TAF4B: variants seen among roughly 807,000 people sequenced by gnomAD.
TAF4B encodes the protein TATA-box binding protein associated factor 4b, also known as transcription initiation factor TFIID subunit 4B.
A neutral mutation model predicts 86.4 loss-of-function variants in TAF4B; 38 were observed. The ratio of observed to expected loss-of-function variants is 0.44; its 90% CI spans 0.34 to 0.58. The LOEUF (loss-of-function observed/expected upper bound fraction) is 0.58, where lower values mean the gene tolerates loss of function less well. Ranked by LOEUF, TAF4B falls within the 20% of genes least tolerant of loss-of-function variation. The probability of loss-of-function intolerance (pLI) is 0.02; values close to 1 mark genes in which losing one functional copy is unlikely to be tolerated. For synonymous variants in TAF4B, 388 were observed against 391.2 expected (o/e 0.99, Z 0.10); for missense variants, 988 against 1,027.6 (o/e 0.96, Z 0.53).
At chr18:26,330,667 A>G (rs1308014302) in intron 12 of TAF4B, among the ~76,000 whole-genome samples, 1 of 152,130 alleles carries the variant, frequency 6.6e-6, no homozygotes, top group South Asian at 2.1e-4. Context: ...AACTATTTCT[A>G]TATCTGTGTA....
At chr18:26,335,371 C>G in intron 13 of TAF4B, 140 bp downstream of exon 13, 1 of 695,614 alleles carries the variant, frequency 1.4e-6, no homozygotes, top group Non-Finnish European at 2.5e-6. Flanking sequence ...CTGCTAAAGG[C>G]AAGGGCAGTA....
rs968261568 is a variant in TAF4B at position 26,226,726 on chromosome 18, C to T, written c.-208C>T. ...GGTGTCGCTCCGGGGGCAGCCCAGG[C>T]TCGCGCGGACGAGAGGAAGGTCCGG... On this transcript the variant is annotated 5_prime_UTR_variant, in exon 1 of 15. Transcript: ENST00000269142. The T allele has an allele frequency of 2.3e-6, 1 of 431,986 alleles. No homozygotes were observed. Among genetic ancestry groups the T allele is most frequent in the African/African-American group, 2.1e-5 (1 of 48,598 alleles). The allele number at this position is 431,986 out of a possible 1,614,324, so 26.8% of individuals were successfully genotyped here. A position where few individuals can be genotyped will look rare whatever the true frequency, so the allele number is the denominator to read the frequency against.
intron 14 of TAF4B, among the ~76,000 whole-genome samples, chr18:26,367,111 G>A (rs8096479): frequency 0.079 from 12,015 of 152,212 alleles, 1,477 homozygotes; most frequent in African/African-American, 0.27. Context: ...GGGACAGTGT[G>A]TCTTGGACAT....
chr18:26,331,907 G>A (rs1481522127), intron 12 of TAF4B, among the ~76,000 whole-genome samples: 3 of 152,074 alleles, frequency 2.0e-5, no homozygotes, highest in Non-Finnish European at 4.4e-5. Flanking sequence ...GTGGCTTCCT[G>A]TTGCACTTAA....
rs2056517166 is a variant in TAF4B, at chr18:26,286,044, T to C, written c.1135T>C (p.Ser379Pro). The change falls in exon 7 of 15, where the codon TCA becomes CCA. Residue 379 changes from serine to proline, a missense_variant. Physicochemically the swap from Ser to Pro is moderately conservative, Grantham distance 74. This residue lies in a region of TAF4B where 747 missense variants were observed against 737.9 expected (regional missense o/e 1.01). Transcript: ENST00000269142. ...AGTGTCCTCAAGCCAGTCTGAAAAG[T>C]CAATTATTGTTTCTGGAGCAACAGC... is the stretch of plus-strand genomic sequence containing the variant. ...TTVSSSQSEKSIIVSGATAPR... is the reference protein window; with the variant it reads ...TTVSSSQSEKPIIVSGATAPR... 6.2e-7 allele frequency: 1 copy of C among 1,614,164 alleles called. No individual in the cohort carries two copies. Among genetic ancestry groups the C allele is most frequent in the Non-Finnish European group, 8.5e-7 (1 of 1,180,016 alleles).
chr18:26,227,046 C>T lies in TAF4B; in HGVS notation c.113C>T (p.Thr38Ile), dbSNP rs1598694814. 2 of 1,573,618 alleles carry T rather than the reference C, an allele frequency of 1.3e-6. No individual in the cohort carries two copies. Among genetic ancestry groups the T allele is most frequent in the Non-Finnish European group, 8.6e-7 (1 of 1,167,934 alleles). Residue 38 changes from threonine to isoleucine, a missense_variant, in exon 1 of 15, where the codon ACT (threonine) becomes ATT (isoleucine). Physicochemically the swap from Thr to Ile is moderately conservative, Grantham distance 89 (BLOSUM62 -1). This residue lies in a region of TAF4B where 747 missense variants were observed against 737.9 expected (regional missense o/e 1.01). Coordinates refer to ENST00000269142, the MANE Select transcript of TAF4B (RefSeq NM_005640.3). ...AGALPVRVES[T>I]PVALGAVTKA... ...GCGCTGCCGGTGCGGGTGGAGAGCA[C>T]TCCGGTGGCCCTGGGCGCCGTGACT... is the stretch of plus-strand genomic sequence containing the variant.
chr18:26,381,463 ACGCC>A (rs1231649341), intron 14 of TAF4B, among the ~76,000 whole-genome samples: 1 of 151,754 alleles, frequency 6.6e-6, no homozygotes, highest in East Asian at 2.0e-4. Context: ...GCGGTAGCTC[ACGCC>A]TGTAATCCCA....
At chr18:26,305,290 C>A (rs1939354174) in intron 9 of TAF4B, among the ~76,000 whole-genome samples, 1 of 152,166 alleles carries the variant, frequency 6.6e-6, no homozygotes, top group African/African-American at 2.4e-5. Flanking sequence ...ATTGTCTGAG[C>A]AATAGTTAGT....
In TAF4B at chr18:26,264,793, T is replaced by A. The variant is rs1370944033; in HGVS notation, c.344-377T>A. ...TTCCTCATAAGTCTACAGAGCCTTT[T>A]AGGAAAATGTGATATGATATATCTG... On this transcript the variant is annotated intron_variant, in intron 1 of 14. Transcript: ENST00000269142. Among the ~76,000 whole-genome samples the A allele has an allele frequency of 5.9e-5, 9 of 152,232 alleles. No individual in the cohort carries two copies. In the South Asian group the frequency reaches 1.9e-3, roughly 32 times the overall value.
At chr18:26,312,706 C>G (rs117107481) in intron 9 of TAF4B, among the ~76,000 whole-genome samples, 1 of 152,066 alleles carries the variant, frequency 6.6e-6, no homozygotes, top group Non-Finnish European at 1.5e-5. Flanking sequence ...GTGCAATTTC[C>G]AGGGGCCTGT....
chr18:26,288,344 C>T (rs1293162538), intron 7 of TAF4B, among the ~76,000 whole-genome samples: 1 of 152,060 alleles, frequency 6.6e-6, no homozygotes, highest in African/African-American at 2.4e-5. Context: ...CATCCAGTAA[C>T]AGTTAAGTGG....
intron 14 of TAF4B, among the ~76,000 whole-genome samples, chr18:26,362,030 T>C (rs1195966061): frequency 1.3e-5 from 2 of 152,194 alleles, no homozygotes; most frequent in Non-Finnish European, 2.9e-5. Context: ...TAGGCATGTC[T>C]AAGTTCCTGA....
chr18:26,364,967 A>AGAAGCAG, intron 14 of TAF4B, among the ~76,000 whole-genome samples: 1 of 151,336 alleles, frequency 6.6e-6, no homozygotes, highest in Non-Finnish European at 1.5e-5. Context: ...CTCTCCTTCT[A>AGAAGCAG]GAAGCAGGTT....
intron 14 of TAF4B, among the ~76,000 whole-genome samples, chr18:26,377,231 A>G (rs1230313618): frequency 6.6e-6 from 1 of 152,082 alleles, no homozygotes; most frequent in Admixed American, 6.6e-5. Context: ...TATTTTTTAG[A>G]AGAGCTTGTG....
At chr18:26,363,592 A>G (rs2057347534) in intron 14 of TAF4B, among the ~76,000 whole-genome samples, 1 of 152,070 alleles carries the variant, frequency 6.6e-6, no homozygotes, top group African/African-American at 2.4e-5. Flanking sequence ...GCCCTATTGC[A>G]TGCTCCTTCA....
intron 14 of TAF4B, 107 bp downstream of exon 14, chr18:26,357,901 G>A (rs1471212152): frequency 4.4e-6 from 3 of 678,896 alleles, no homozygotes; most frequent in Non-Finnish European, 6.8e-6. Flanking sequence ...GTTGCTGCCA[G>A]ACACTTCTTA....
intron 13 of TAF4B, among the ~76,000 whole-genome samples, chr18:26,346,773 A>ATATATATATATATATGTGTGTGTG (rs1404902479): frequency 4.1e-5 from 1 of 24,108 alleles, no homozygotes; most frequent in Non-Finnish European, 9.9e-5. Context: ...ATATATATAT[A>ATATATATATATATATGTGTGTGTG]TGTGTGTGTA....
chr18:26,282,180 A>G, intron 6 of TAF4B, 120 bp downstream of exon 6: 6 of 788,900 alleles, frequency 7.6e-6, no homozygotes, highest in Non-Finnish European at 1.2e-5. Flanking sequence ...TGTGGGAGAA[A>G]CCTCTGAGTG....
At chr18:26,312,553 G>A (rs1456969097) in intron 9 of TAF4B, among the ~76,000 whole-genome samples, 1 of 152,136 alleles carries the variant, frequency 6.6e-6, no homozygotes, top group Admixed American at 6.5e-5. Context: ...TAAAAGACAT[G>A]GGACTGTCTC....
Sources: gnomAD v4.1 joint callset for allele counts (sites outside exome capture counted in the v4.1 genomes callset) on GRCh38, gnomAD v4.1.1 for gene constraint, gnomAD v4.1.1 regional missense constraint, MANE v1.5 for transcripts, NCBI Gene and HGNC (gene_info 2026-07-23, HGNC 2026-07-21) for gene names.